The following MALRD1 variants were observed in gnomAD, a reference collection of about 807,000 sequenced individuals.
The protein encoded by MALRD1 is MAM and LDL receptor class A domain containing 1, also known as MAM and LDL-receptor class A domain-containing protein 1.
Under a neutral mutation model 242.1 loss-of-function variants are expected in MALRD1, and 247 were observed. The ratio of observed to expected loss-of-function variants is 1.02; its 90% CI spans 0.92 to 1.13. MALRD1 has a LOEUF of 1.13. MALRD1 is among the 50% of genes most tolerant of loss of function. The pLI is 0.00. For missense variants in MALRD1, 2,989 were observed against 2,533.1 expected (o/e 1.18, Z -3.86); for synonymous variants, 995 against 866.6 (o/e 1.15, Z -2.60).
chr10:19,188,290 G>C (rs1374087953), intron 14 of MALRD1, among the ~76,000 whole-genome samples: 1 of 152,200 alleles, frequency 6.6e-6, no homozygotes, highest in Admixed American at 6.5e-5. Flanking sequence ...GGAGAAACTG[G>C]GACGTGGCTT....
chr10:19,590,893 T>C (rs1837743771), intron 33 of MALRD1, among the ~76,000 whole-genome samples: 2 of 152,206 alleles, frequency 1.3e-5, no homozygotes, highest in Admixed American at 1.3e-4. Flanking sequence ...CTTTGGCACA[T>C]TGTTGTCACC....
At position 19,132,984 on chromosome 10, in the gene MALRD1, G is replaced by A. The variant is rs141762959; in HGVS notation, c.1111-872G>A. On this transcript the variant is annotated intron_variant, in intron 8 of 39. Transcript: ENST00000454679. ...GAATTCATGCTCTGTCGCCCAGGCTGGAATGTAGTACTGGTGGCATCTTGG... is the reference window on the plus strand; with the variant it reads ...GAATTCATGCTCTGTCGCCCAGGCTAGAATGTAGTACTGGTGGCATCTTGG... Among the ~76,000 whole-genome samples the A allele has an allele frequency of 6.8e-4, 104 of 152,120 alleles. No homozygotes were observed. In the South Asian group the frequency reaches 0.015, roughly 21 times the overall value.
chr10:19,059,886 T>C (rs181694627), intron 1 of MALRD1, among the ~76,000 whole-genome samples: 1 of 152,264 alleles, frequency 6.6e-6, no homozygotes, highest in East Asian at 1.9e-4. Flanking sequence ...AAAAAGGTTT[T>C]CTGTTGTTGT....
intron 28 of MALRD1, among the ~76,000 whole-genome samples, chr10:19,407,800 T>C (rs950575425): frequency 2.6e-5 from 4 of 152,198 alleles, no homozygotes; most frequent in African/African-American, 7.2e-5. Context: ...GTAAGTGATA[T>C]TGAAGCTGCA....
At chr10:19,230,212 G>A (rs944275947) in intron 18 of MALRD1, among the ~76,000 whole-genome samples, 1 of 152,120 alleles carries the variant, frequency 6.6e-6, no homozygotes, top group Non-Finnish European at 1.5e-5. Flanking sequence ...TCTTGGGTAT[G>A]TCTTCATCAG....
At chr10:19,108,866 C>A (rs1035828047) in intron 5 of MALRD1, among the ~76,000 whole-genome samples, 1 of 151,864 alleles carries the variant, frequency 6.6e-6, no homozygotes, top group African/African-American at 2.4e-5. Context: ...TTTCTTTGGT[C>A]GTATCATGTT....
intron 36 of MALRD1, among the ~76,000 whole-genome samples, chr10:19,639,999 T>TC (rs1840311452): frequency 6.6e-6 from 1 of 152,036 alleles, no homozygotes; most frequent in Admixed American, 6.6e-5. Context: ...TCACTTTCTT[T>TC]CCCCCCAATG....
chr10:19,590,321 A>C (rs900775707), intron 33 of MALRD1, among the ~76,000 whole-genome samples: 1 of 147,650 alleles, frequency 6.8e-6, no homozygotes, highest in Admixed American at 6.8e-5. Context: ...ATATGTATAT[A>C]TACATATTTT....
chr10:19,219,244 C>A, intron 18 of MALRD1, among the ~76,000 whole-genome samples: 1 of 152,094 alleles, frequency 6.6e-6, no homozygotes, highest in African/African-American at 2.4e-5. Context: ...ACAATACTTT[C>A]TGGAATGTGG....
At chr10:19,484,361 TCATA>T (rs1257176391) in intron 29 of MALRD1, among the ~76,000 whole-genome samples, 5 of 152,226 alleles carry the variant, frequency 3.3e-5, no homozygotes, top group African/African-American at 1.2e-4. Flanking sequence ...ACCCAGATGT[TCATA>T]CATATTTACT....
At chr10:19,108,967 CA>C (rs1836575202) in intron 5 of MALRD1, among the ~76,000 whole-genome samples, 1 of 152,136 alleles carries the variant, frequency 6.6e-6, no homozygotes, top group South Asian at 2.1e-4. Context: ...GAATGGCTTT[CA>C]GGGGGAAATA....
In MALRD1 at chr10:19,670,660, G is replaced by A. The variant is rs114246557; in HGVS notation, c.6138-21622G>A. Among the ~76,000 whole-genome samples, 453 of 152,110 alleles carry A rather than the reference G, an allele frequency of 3.0e-3. 1 individual carries two copies. Among genetic ancestry groups the A allele is most frequent in the African/African-American group, 0.01 (434 of 41,484 alleles). On this transcript the variant is annotated intron_variant, in intron 36 of 39. Coordinates refer to ENST00000454679, the MANE Select transcript of MALRD1 (RefSeq NM_001142308.3). ...TGTTTCCAACTTGGTCCTCACACTGGCACTACAACACCCCTGACTCCACCA... is the reference window on the plus strand; with the variant it reads ...TGTTTCCAACTTGGTCCTCACACTGACACTACAACACCCCTGACTCCACCA...
At chr10:19,229,667 C>T (rs1017155021) in intron 18 of MALRD1, among the ~76,000 whole-genome samples, 1 of 152,056 alleles carries the variant, frequency 6.6e-6, no homozygotes, top group African/African-American at 2.4e-5. Context: ...TTTGTCCTCC[C>T]ATGATGAAAA....
chr10:19,459,437 A>T (rs938976370), intron 29 of MALRD1, among the ~76,000 whole-genome samples: 1 of 152,104 alleles, frequency 6.6e-6, no homozygotes, highest in African/African-American at 2.4e-5. Context: ...TTCAGAAGAG[A>T]GACTTCATTG....
intron 28 of MALRD1, among the ~76,000 whole-genome samples, chr10:19,405,618 G>T (rs1034093585): frequency 6.6e-6 from 1 of 152,154 alleles, no homozygotes; most frequent in Non-Finnish European, 1.5e-5. Flanking sequence ...TTTCACAGAA[G>T]TGTTGATCCT....
intron 35 of MALRD1, among the ~76,000 whole-genome samples, chr10:19,609,836 A>G (rs1181149885): frequency 2.0e-5 from 3 of 152,064 alleles, no homozygotes; most frequent in African/African-American, 7.2e-5. Flanking sequence ...AGGTGAAACT[A>G]TAATTATGAT....
At chr10:19,242,140 C>T (rs913480971) in intron 18 of MALRD1, among the ~76,000 whole-genome samples, 2 of 152,114 alleles carry the variant, frequency 1.3e-5, no homozygotes, top group Admixed American at 6.6e-5. Flanking sequence ...TTCCACTTGG[C>T]TGGGGAGGTC....
rs545974511 is a variant in MALRD1 at position 19,650,846 on chromosome 10, TA to T, written c.6137+34924del. On this transcript the variant is annotated intron_variant, in intron 36 of 39. Transcript: ENST00000454679. ...CTCCTTTGTCTCCTATTAGGTTTAGTATCAGCGGTTTAGCAGCAGTTTCTAC... is the reference window on the plus strand; with the variant it reads ...CTCCTTTGTCTCCTATTAGGTTTAGTTCAGCGGTTTAGCAGCAGTTTCTAC... Among the ~76,000 whole-genome samples, 480 of 152,288 alleles carry T rather than the reference TA, an allele frequency of 3.2e-3. 2 individuals carry two copies. Among genetic ancestry groups the T allele is most frequent in the African/African-American group, 0.011 (451 of 41,558 alleles).
chr10:19,554,923 C>T (rs567018295), intron 32 of MALRD1, among the ~76,000 whole-genome samples: 7 of 152,178 alleles, frequency 4.6e-5, no homozygotes, highest in African/African-American at 1.4e-4. Flanking sequence ...AATGGGATTG[C>T]TGGGTCAGAT....
Sources: allele counts gnomAD v4.1 joint callset (sites outside exome capture counted in the v4.1 genomes callset), GRCh38; gene constraint gnomAD v4.1.1; transcripts MANE v1.5; gene names NCBI Gene and HGNC (gene_info 2026-07-23, HGNC 2026-07-21).